The following OSBPL1A variants were observed in gnomAD, a reference collection of about 807,000 sequenced individuals.
The protein encoded by OSBPL1A is oxysterol-binding protein-related protein 1.
In OSBPL1A, 80 loss-of-function variants were observed where a neutral mutation model predicts 137.1. The observed-to-expected ratio is 0.58, with a 90% CI of 0.49 to 0.70. The LOEUF is 0.70. Among genes scored for constraint, OSBPL1A ranks in the 30% least tolerant of loss-of-function variants. OSBPL1A has a pLI of 0.00. For synonymous variants in OSBPL1A, 365 were observed against 389.7 expected (o/e 0.94, Z 0.75); for missense variants, 970 against 1,129.4 (o/e 0.86, Z 2.02).
At chr18:24,397,238 T>C (rs1011366934) in intron 1 of OSBPL1A, among the ~76,000 whole-genome samples, 2 of 152,182 alleles carry the variant, frequency 1.3e-5, no homozygotes, top group Non-Finnish European at 2.9e-5. Context: ...AACGGTCACA[T>C]GAACAATGCG....
intron 1 of OSBPL1A, among the ~76,000 whole-genome samples, chr18:24,390,310 C>A (rs192171475): frequency 6.6e-6 from 1 of 152,202 alleles, no homozygotes; most frequent in Non-Finnish European, 1.5e-5. Context: ...TATTTGTATT[C>A]CCATGTTCAT....
chr18:24,295,436 T>C (rs1332235978), intron 14 of OSBPL1A, among the ~76,000 whole-genome samples: 1 of 152,214 alleles, frequency 6.6e-6, no homozygotes, highest in Non-Finnish European at 1.5e-5. Flanking sequence ...ATTTATTTAT[T>C]TTTGTTGTAC....
chr18:24,368,533 G>A (rs1905353446), intron 2 of OSBPL1A, 161 bp from the exon 3 acceptor site: 1 of 588,092 alleles, frequency 1.7e-6, no homozygotes, highest in Non-Finnish European at 3.1e-6. Flanking sequence ...GGGTGTAAAG[G>A]ACGAGAACTC....
chr18:24,196,136 A>G lies in OSBPL1A; in HGVS notation c.1666T>C (p.Cys556Arg), dbSNP rs759472942. ...DFSIWSILRK[C>R]IGMELSKITM... ...AACCATTAATTTACCATTCCAATAC[A>G]TTTTCTGAGGATGCTCCAGATACTG... Residue 556 changes from cysteine to arginine, a missense_variant, in exon 18 of 28, where the codon TGT becomes CGT. Physicochemically the swap from Cys to Arg is radical, Grantham distance 180. Transcript: ENST00000319481. 5.0e-6 allele frequency: 8 copies of G among 1,609,758 alleles called. No homozygotes were observed. The highest frequency in any genetic ancestry group is 6.8e-6 in the Non-Finnish European group (8 of 1,177,602).
chr18:24,290,886 T>C (rs1046142460), intron 14 of OSBPL1A, among the ~76,000 whole-genome samples: 5 of 152,098 alleles, frequency 3.3e-5, no homozygotes, highest in African/African-American at 9.7e-5. Flanking sequence ...AGAAGGACAC[T>C]TTCTTGCCTA....
chr18:24,384,324 G>A (rs111925780), intron 1 of OSBPL1A, among the ~76,000 whole-genome samples: 5,505 of 152,272 alleles, frequency 0.036, 305 homozygotes, highest in African/African-American at 0.12. Context: ...CTGTAATCCC[G>A]GCACTTTGGG....
At chr18:24,391,576 A>T (rs1599744816) in intron 1 of OSBPL1A, among the ~76,000 whole-genome samples, 1 of 149,358 alleles carries the variant, frequency 6.7e-6, no homozygotes. Flanking sequence ...AAAAAAAAAA[A>T]TTAATTACCA....
rs749264762 is a variant in OSBPL1A at position 24,312,035 on chromosome 18, A to G, written c.1041T>C (p.Asp347=). Residue 347 remains aspartate (D), a synonymous_variant, in exon 13 of 28, where the codon GAT becomes GAC. Transcript: ENST00000319481. ...CAGAAACCGTATCTTCCTCCTCCTC[A>G]TCAGTCAGCTGGTCCTGGGAACAGT... is the stretch of plus-strand genomic sequence containing the variant. The part of the protein sequence containing the change: ...THYCSQDQLT[D]EEEEDTVSAA... 3 of 1,613,984 alleles carry G rather than the reference A, an allele frequency of 1.9e-6. No homozygotes were observed. The highest frequency in any genetic ancestry group is 1.7e-6 in the Non-Finnish European group (2 of 1,179,886).
At chr18:24,290,046 C>T (rs2090147277) in intron 14 of OSBPL1A, among the ~76,000 whole-genome samples, 1 of 151,754 alleles carries the variant, frequency 6.6e-6, no homozygotes. Context: ...ACGTCAAATA[C>T]ACAGGACAAT....
chr18:24,191,997 C>T (rs1204929156), intron 18 of OSBPL1A, among the ~76,000 whole-genome samples: 2 of 152,202 alleles, frequency 1.3e-5, no homozygotes, highest in Non-Finnish European at 2.9e-5. Context: ...ATTCCACTAG[C>T]TACCTTTAAA....
At chr18:24,270,841 A>G (rs1392474568) in intron 15 of OSBPL1A, among the ~76,000 whole-genome samples, 1 of 152,074 alleles carries the variant, frequency 6.6e-6, no homozygotes, top group Non-Finnish European at 1.5e-5. Flanking sequence ...GCCTTAATTC[A>G]GTCTTTGAAC....
chr18:24,249,173 A>T (rs2146024068), intron 15 of OSBPL1A, among the ~76,000 whole-genome samples: 1 of 152,380 alleles, frequency 6.6e-6, no homozygotes, highest in Non-Finnish European at 1.5e-5. Flanking sequence ...ACAGAAATTT[A>T]AAATTTCCAT....
chr18:24,264,491 AGCATTCTGAC>A (rs892570471), intron 15 of OSBPL1A, among the ~76,000 whole-genome samples: 1 of 152,228 alleles, frequency 6.6e-6, no homozygotes, highest in Non-Finnish European at 1.5e-5. Flanking sequence ...TCCAGGCTAT[AGCATTCTGAC>A]AGGCCAGTTT....
In OSBPL1A at chr18:24,381,104, G is replaced by A. The variant is rs543606670; in HGVS notation, c.-2-3569C>T. ...AGGAAAGACTTTATTCAGGACCCCC[G>A]TGGTAGTTACAAGGACCACTGCAAG... is the stretch of plus-strand genomic sequence containing the variant. On this transcript the variant is annotated intron_variant, in intron 1 of 27. Coordinates refer to ENST00000319481, the MANE Select transcript of OSBPL1A (RefSeq NM_080597.4). 5.9e-5 allele frequency among the ~76,000 whole-genome samples: 9 copies of A among 152,310 alleles called. No homozygotes were observed. The South Asian group carries it at 1.0e-3, about 18-fold the overall frequency.
chr18:24,355,637 T>C (rs1384446703), intron 4 of OSBPL1A, among the ~76,000 whole-genome samples: 1 of 151,980 alleles, frequency 6.6e-6, no homozygotes, highest in Non-Finnish European at 1.5e-5. Context: ...ATCTGCACCA[T>C]CAAAAGATAT....
At chr18:24,214,340 A>G (rs887788765) in intron 17 of OSBPL1A, among the ~76,000 whole-genome samples, 7 of 152,242 alleles carry the variant, frequency 4.6e-5, no homozygotes, top group Admixed American at 4.6e-4. Context: ...AGGATTAACT[A>G]GGTCTCCTGC....
chr18:24,167,462 A>G lies in OSBPL1A; in HGVS notation c.2419-17T>C, dbSNP rs201579639. ...GGTGCTCATCTAGAAAAACCAATCAATGAACAAAATTTAAGTAGAAAGTTT... is the reference window on the plus strand; with the variant it reads ...GGTGCTCATCTAGAAAAACCAATCAGTGAACAAAATTTAAGTAGAAAGTTT... On this transcript the variant is annotated splice_polypyrimidine_tract_variant and intron_variant, in intron 24 of 27. Transcript: ENST00000319481. 141 of 1,600,238 alleles carry G rather than the reference A, an allele frequency of 8.8e-5. No homozygotes were observed. Among genetic ancestry groups the G allele is most frequent in the Non-Finnish European group, 1.1e-4 (124 of 1,167,480 alleles).
intron 15 of OSBPL1A, among the ~76,000 whole-genome samples, chr18:24,261,357 G>A (rs1417711691): frequency 6.6e-6 from 1 of 152,126 alleles, no homozygotes; most frequent in Admixed American, 6.5e-5. Flanking sequence ...TTTCACTAGT[G>A]CAAGCACATG....
chr18:24,170,200 G>A, intron 24 of OSBPL1A, 127 bp downstream of exon 24: 6 of 1,089,552 alleles, frequency 5.5e-6, no homozygotes, highest in Non-Finnish European at 7.9e-6. Flanking sequence ...AAAGAGAAAA[G>A]TGACATGCAT....
Sources: gnomAD v4.1 joint callset for allele counts (sites outside exome capture counted in the v4.1 genomes callset) on GRCh38, gnomAD v4.1.1 for gene constraint, MANE v1.5 for transcripts, NCBI Gene and HGNC (gene_info 2026-07-23, HGNC 2026-07-21) for gene names.